Variants in KIF16B observed in about 807,000 individuals in gnomAD.
The protein encoded by KIF16B is kinesin-like protein KIF16B.
A neutral mutation model predicts 156.3 loss-of-function variants in KIF16B; 98 were observed. That is an observed-to-expected ratio of 0.63 (90% CI 0.53 to 0.74). KIF16B has a LOEUF of 0.74. Among genes scored for constraint, KIF16B ranks in the 30% least tolerant of loss-of-function variants. KIF16B has a pLI of 0.00. For missense variants in KIF16B, 1,421 were observed against 1,606.5 expected (o/e 0.88, Z 1.97); for synonymous variants, 564 against 583.7 (o/e 0.97, Z 0.49).
intron 3 of KIF16B, among the ~76,000 whole-genome samples, chr20:16,524,820 T>C (rs2069478606): frequency 6.6e-6 from 1 of 152,170 alleles, no homozygotes; most frequent in East Asian, 1.9e-4. Context: ...ATGTGGCACA[T>C]ATAAACCATG....
intron 21 of KIF16B, among the ~76,000 whole-genome samples, chr20:16,371,375 T>A (rs756882116): frequency 9.9e-5 from 15 of 151,922 alleles, no homozygotes; most frequent in Non-Finnish European, 1.9e-4. Context: ...TCACTTGAGG[T>A]CAGGAGTTTG....
chr20:16,495,746 G>A lies in KIF16B; in HGVS notation c.1243-1396C>T, dbSNP rs114359828. Among the ~76,000 whole-genome samples the A allele has an allele frequency of 7.5e-3, 1,137 of 152,196 alleles. 13 individuals carry two copies. Among genetic ancestry groups the A allele is most frequent in the African/African-American group, 0.026 (1,062 of 41,544 alleles). On this transcript the variant is annotated intron_variant, in intron 11 of 25. Transcript: ENST00000354981. ...ACACTGTTGCCTGGGTTGGAGTGCG[G>A]TGGCGTAATCACGGCTCACCATAGC...
At chr20:16,370,516 A>T in intron 22 of KIF16B, 70 bp downstream of exon 22, 1 of 1,274,426 alleles carries the variant, frequency 7.8e-7, no homozygotes, top group Non-Finnish European at 1.1e-6. Context: ...ACTAGACATT[A>T]AGAAAATGTA....
At chr20:16,558,586 G>A (rs1009820736) in intron 1 of KIF16B, among the ~76,000 whole-genome samples, 7 of 152,334 alleles carry the variant, frequency 4.6e-5, no homozygotes, top group African/African-American at 1.7e-4. Context: ...AACTTCTTTG[G>A]TATCTTTAGT....
chr20:16,545,568 G>A (rs886540910), intron 1 of KIF16B, among the ~76,000 whole-genome samples: 3 of 152,178 alleles, frequency 2.0e-5, no homozygotes, highest in Non-Finnish European at 4.4e-5. Flanking sequence ...AGGAGGCTGA[G>A]GCAGGAGAAT....
chr20:16,515,923 A>T (rs752175008), intron 3 of KIF16B, among the ~76,000 whole-genome samples: 2 of 152,252 alleles, frequency 1.3e-5, no homozygotes, highest in African/African-American at 4.8e-5. Flanking sequence ...AAGTATAAAA[A>T]TGTAAACAAG....
chr20:16,573,290 C>T lies in KIF16B; in HGVS notation c.-15G>A, dbSNP rs1409461869. The T allele has an allele frequency of 1.9e-5, 31 of 1,609,776 alleles. No individual in the cohort carries two copies. Among genetic ancestry groups the T allele is most frequent in the Non-Finnish European group, 2.5e-5 (30 of 1,178,950 alleles). On this transcript the variant is annotated 5_prime_UTR_variant, in exon 1 of 26. Coordinates refer to ENST00000354981, the MANE Select transcript of KIF16B (RefSeq NM_024704.5). ...ACCGATGCCATCGCTCATCCCGAAC[C>T]AGCCCGCGCGGGGTCCCACTAGCCC...
At chr20:16,483,222 A>C (rs1037428179) in intron 12 of KIF16B, among the ~76,000 whole-genome samples, 4 of 152,140 alleles carry the variant, frequency 2.6e-5, no homozygotes, top group African/African-American at 9.7e-5. Flanking sequence ...AACCAAGGAG[A>C]ATCCTGGTGA....
chr20:16,306,065 C>T (rs2063536958), intron 25 of KIF16B, among the ~76,000 whole-genome samples: 1 of 152,200 alleles, frequency 6.6e-6, no homozygotes, highest in Non-Finnish European at 1.5e-5. Context: ...TGCTTTCCTG[C>T]ATTCTTCCCC....
At chr20:16,459,379 C>T (rs2146665028) in intron 12 of KIF16B, among the ~76,000 whole-genome samples, 1 of 152,298 alleles carries the variant, frequency 6.6e-6, no homozygotes, top group South Asian at 2.1e-4. Context: ...TTCCCAAAAG[C>T]CTAGGCCTTC....
At chr20:16,364,183 TG>T (rs1462795863) in intron 22 of KIF16B, among the ~76,000 whole-genome samples, 1 of 152,228 alleles carries the variant, frequency 6.6e-6, no homozygotes, top group Non-Finnish European at 1.5e-5. Context: ...GGAGACACAC[TG>T]TTTTGAAATG....
chr20:16,537,415 C>A (rs1298021218), intron 1 of KIF16B, among the ~76,000 whole-genome samples: 1 of 152,120 alleles, frequency 6.6e-6, no homozygotes, highest in Non-Finnish European at 1.5e-5. Context: ...CCACCAGACT[C>A]TTAACTTTTT....
chr20:16,351,158 A>T (rs2123106132), intron 23 of KIF16B, among the ~76,000 whole-genome samples: 1 of 152,256 alleles, frequency 6.6e-6, no homozygotes, highest in Middle Eastern at 3.4e-3. Context: ...ACAAGAATAG[A>T]AACTCTCGGG....
At chr20:16,481,200 T>A (rs1329117742) in intron 12 of KIF16B, among the ~76,000 whole-genome samples, 1 of 152,138 alleles carries the variant, frequency 6.6e-6, no homozygotes, top group East Asian at 1.9e-4. Flanking sequence ...ACCACTTCTG[T>A]ATGGAAGTGG....
intron 1 of KIF16B, among the ~76,000 whole-genome samples, chr20:16,568,818 T>C (rs1159605887): frequency 2.7e-5 from 1 of 36,976 alleles, no homozygotes; most frequent in African/African-American, 1.1e-4. Context: ...AGACCCTGTC[T>C]CAAAAAAAAA....
intron 12 of KIF16B, among the ~76,000 whole-genome samples, chr20:16,482,101 C>T (rs1409309203): frequency 6.6e-6 from 1 of 152,092 alleles, no homozygotes; most frequent in African/African-American, 2.4e-5. Flanking sequence ...AGTCATCTTC[C>T]TCCTTGGAAA....
intron 23 of KIF16B, 79 bp from the exon 24 acceptor site, chr20:16,336,094 A>T (rs2064031508): frequency 5.9e-6 from 5 of 842,390 alleles, no homozygotes; most frequent in Middle Eastern, 6.0e-4. Context: ...TTTAAAAATT[A>T]AATTTAAAAA....
At chr20:16,338,358 G>T (rs980439326) in intron 23 of KIF16B, among the ~76,000 whole-genome samples, 4 of 152,102 alleles carry the variant, frequency 2.6e-5, no homozygotes, top group Non-Finnish European at 5.9e-5. Flanking sequence ...TTCAGACCCT[G>T]CTGCTCTACC....
intron 10 of KIF16B, among the ~76,000 whole-genome samples, chr20:16,500,919 A>C (rs1444516382): frequency 6.6e-6 from 1 of 151,544 alleles, no homozygotes; most frequent in Non-Finnish European, 1.5e-5. Flanking sequence ...TGTGTTTTTC[A>C]TTTCTATACT....
Sources: allele counts gnomAD v4.1 joint callset (sites outside exome capture counted in the v4.1 genomes callset), GRCh38; gene constraint gnomAD v4.1.1; transcripts MANE v1.5; gene names NCBI Gene and HGNC (gene_info 2026-07-23, HGNC 2026-07-21).